COPG2: variants seen among roughly 807,000 people sequenced by gnomAD.
COPG2 encodes the protein coat protein complex I subunit gamma 2, also known as coatomer subunit gamma-2.
A neutral mutation model predicts 46.3 loss-of-function variants in COPG2; 37 were observed. The observed-to-expected ratio is 0.80, with a 90% CI of 0.61 to 1.05. The LOEUF (loss-of-function observed/expected upper bound fraction) is 1.05. Ranked by LOEUF, COPG2 falls within the 50% of genes least tolerant of loss-of-function variation. The probability of loss-of-function intolerance (pLI) is 0.00; values close to 1 mark genes in which losing one functional copy is unlikely to be tolerated. For synonymous variants in COPG2, 159 were observed against 129.7 expected, an observed-to-expected ratio of 1.23 and a Z score of -1.53; for missense variants, 427 against 387.8, an observed-to-expected ratio of 1.10 and a Z score of -0.85.
At chr7:130,560,382 G>GA (rs1404611106) in intron 12 of COPG2, among the ~76,000 whole-genome samples, 1 of 152,050 alleles carries the variant, frequency 6.6e-6, no homozygotes, top group African/African-American at 2.4e-5. Flanking sequence ...TCATGAAATA[G>GA]AAAAATAATG....
At chr7:130,529,830 A>G (rs1163352367) in intron 20 of COPG2, among the ~76,000 whole-genome samples, 5 of 152,228 alleles carry the variant, frequency 3.3e-5, no homozygotes, top group African/African-American at 1.2e-4. Flanking sequence ...TTAGGACATA[A>G]TGCGATGGAG....
At position 130,667,477 on chromosome 7, in the gene COPG2, C is replaced by T; in HGVS notation, c.90+5G>A. On this transcript the variant is annotated splice_donor_5th_base_variant and intron_variant, in intron 2 of 23. Transcript: ENST00000425248. ...GAAAGGGCACAAGATACTTCCCAGT[C>T]ATACCTCCTGTAAAACAGCACTCTT... 6.2e-7 allele frequency: 1 copy of T among 1,612,652 alleles called. No individual in the cohort carries two copies. The highest frequency in any genetic ancestry group is 8.5e-7 in the Non-Finnish European group (1 of 1,178,834).
chr7:130,526,273 A>T (rs1035318107), intron 20 of COPG2, among the ~76,000 whole-genome samples: 9 of 152,146 alleles, frequency 5.9e-5, no homozygotes, highest in Admixed American at 2.6e-4. Flanking sequence ...AGAGAGAGGA[A>T]GGAAAAGTTT....
At chr7:130,632,403 T>G (rs907763444) in intron 5 of COPG2, among the ~76,000 whole-genome samples, 1 of 152,238 alleles carries the variant, frequency 6.6e-6, no homozygotes, top group African/African-American at 2.4e-5. Context: ...TTCAGCAGTT[T>G]CATTAAGTGA....
chr7:130,559,371 A>G (rs1328434169), intron 12 of COPG2, among the ~76,000 whole-genome samples: 3 of 152,072 alleles, frequency 2.0e-5, no homozygotes, highest in African/African-American at 7.2e-5. Context: ...CCACTCACAC[A>G]CTGAGCTCAC....
intron 4 of COPG2, among the ~76,000 whole-genome samples, chr7:130,654,935 G>C (rs1554459689): frequency 6.6e-6 from 1 of 151,208 alleles, no homozygotes; most frequent in African/African-American, 2.4e-5. Context: ...TTAATTTTTG[G>C]GAAGTGTATT....
chr7:130,661,532 A>C (rs1554460756), intron 4 of COPG2, among the ~76,000 whole-genome samples: 1 of 152,242 alleles, frequency 6.6e-6, no homozygotes, highest in East Asian at 1.9e-4. Context: ...GAAGTGGTTA[A>C]AAGAAGTCCT....
At chr7:130,635,683 T>A (rs1351495817) in intron 5 of COPG2, among the ~76,000 whole-genome samples, 3 of 152,202 alleles carry the variant, frequency 2.0e-5, no homozygotes, top group Non-Finnish European at 4.4e-5. Flanking sequence ...TTTTGAAGGA[T>A]TTTTTGTGTC....
At chr7:130,662,896 C>G (rs558734114) in intron 4 of COPG2, 71 bp downstream of exon 4, 1 of 864,852 alleles carries the variant, frequency 1.2e-6, no homozygotes, top group South Asian at 1.6e-5. Flanking sequence ...TAATTTAGAA[C>G]ACTCTTAGTT....
chr7:130,527,700 G>C (rs1309900012), intron 20 of COPG2, among the ~76,000 whole-genome samples: 2 of 152,174 alleles, frequency 1.3e-5, no homozygotes, highest in African/African-American at 4.8e-5. Context: ...AGGATGGAGA[G>C]CCGGGCAGAT....
At chr7:130,533,065 G>C (rs1308830666) in intron 20 of COPG2, among the ~76,000 whole-genome samples, 1 of 152,126 alleles carries the variant, frequency 6.6e-6, no homozygotes, top group Non-Finnish European at 1.5e-5. Flanking sequence ...AAGCAGGACA[G>C]AGGAGAGGTG....
chr7:130,659,501 T>C (rs185264152), intron 4 of COPG2, among the ~76,000 whole-genome samples: 95 of 152,238 alleles, frequency 6.2e-4, no homozygotes, highest in Non-Finnish European at 1.2e-3. Context: ...TATCTACCAA[T>C]GGGAGAATGG....
chr7:130,542,655 T>A (rs1793354329), intron 20 of COPG2, among the ~76,000 whole-genome samples: 1 of 152,096 alleles, frequency 6.6e-6, no homozygotes, highest in Non-Finnish European at 1.5e-5. Context: ...CAACACTGTG[T>A]GTAGACTGTG....
chr7:130,651,492 G>GT (rs1795740990), intron 5 of COPG2, among the ~76,000 whole-genome samples: 11 of 30,766 alleles, frequency 3.6e-4, no homozygotes, highest in South Asian at 1.0e-3. Flanking sequence ...TAATTTTTTT[G>GT]TATTTTTTTT....
At chr7:130,514,408 A>G (rs1168443357) in intron 20 of COPG2, among the ~76,000 whole-genome samples, 1 of 152,210 alleles carries the variant, frequency 6.6e-6, no homozygotes, top group African/African-American at 2.4e-5. Flanking sequence ...AGGGAGGGCA[A>G]ATCACCAAAG....
chr7:130,615,397 A>G (rs1794933593), intron 6 of COPG2, among the ~76,000 whole-genome samples: 1 of 152,176 alleles, frequency 6.6e-6, no homozygotes, highest in Non-Finnish European at 1.5e-5. Context: ...CCTGGCATAT[A>G]ATAGGAGCTC....
intron 9 of COPG2, among the ~76,000 whole-genome samples, chr7:130,597,866 G>A (rs1037853245): frequency 2.6e-5 from 4 of 152,174 alleles, no homozygotes; most frequent in Admixed American, 2.6e-4. Flanking sequence ...ACATGAGGAG[G>A]AAAGTGCAGA....
intron 20 of COPG2, among the ~76,000 whole-genome samples, chr7:130,546,266 A>G (rs1381851783): frequency 6.6e-6 from 1 of 152,192 alleles, no homozygotes; most frequent in Non-Finnish European, 1.5e-5. Flanking sequence ...ATTGGGCCCA[A>G]ATACTAGTTT....
chr7:130,667,727 G>A (rs1054007421), intron 1 of COPG2, among the ~76,000 whole-genome samples, 193 bp from the exon 2 acceptor site: 7 of 152,196 alleles, frequency 4.6e-5, no homozygotes, highest in Non-Finnish European at 4.4e-5. Flanking sequence ...TCGAAGAGCT[G>A]AGACTTCTCT....
Sources: allele counts gnomAD v4.1 joint callset (sites outside exome capture counted in the v4.1 genomes callset), GRCh38; gene constraint gnomAD v4.1.1; transcripts MANE v1.5; gene names NCBI Gene and HGNC (gene_info 2026-07-23, HGNC 2026-07-21).